PLEKHA8: variants seen among roughly 807,000 people sequenced by gnomAD.
PLEKHA8 encodes the protein pleckstrin homology domain-containing family A member 8.
Under a neutral mutation model 68.2 loss-of-function variants are expected in PLEKHA8, and 36 were observed. That is an observed-to-expected ratio of 0.53 (90% CI 0.40 to 0.70). The LOEUF (loss-of-function observed/expected upper bound fraction) is 0.70, where lower values mean the gene tolerates loss of function less well. Among genes scored for constraint, PLEKHA8 ranks in the 30% least tolerant of loss-of-function variants. The pLI is 0.00. For missense variants in PLEKHA8, 505 were observed against 615.4 expected, an observed-to-expected ratio of 0.82 and a Z score of 1.90; for synonymous variants, 211 against 216.1, an observed-to-expected ratio of 0.98 and a Z score of 0.20.
At chr7:30,051,907 A>T (rs968095104) in intron 6 of PLEKHA8, among the ~76,000 whole-genome samples, 1 of 152,146 alleles carries the variant, frequency 6.6e-6, no homozygotes, top group Admixed American at 6.6e-5. Flanking sequence ...CGGAAGGCAG[A>T]GGTTGCAGTG....
intron 1 of PLEKHA8, among the ~76,000 whole-genome samples, chr7:30,043,105 A>C (rs1218694672): frequency 6.6e-6 from 1 of 152,154 alleles, no homozygotes; most frequent in Non-Finnish European, 1.5e-5. Flanking sequence ...AGGCTCAAGC[A>C]GTCCTCTCAC....
chr7:30,048,610 C>T (rs1792152472), intron 4 of PLEKHA8, among the ~76,000 whole-genome samples: 1 of 152,236 alleles, frequency 6.6e-6, no homozygotes, highest in South Asian at 2.1e-4. Flanking sequence ...GAATGGCTCA[C>T]ATTAACCAGA....
intron 13 of PLEKHA8, among the ~76,000 whole-genome samples, chr7:30,098,130 G>A (rs1583466324): frequency 6.6e-6 from 1 of 152,244 alleles, no homozygotes; most frequent in South Asian, 2.1e-4. Context: ...AGCGGTGGCT[G>A]CAGAACTGCA....
chr7:30,050,361 A>G (rs965923397), intron 5 of PLEKHA8, 73 bp from the exon 6 acceptor site: 2 of 1,494,904 alleles, frequency 1.3e-6, no homozygotes. Context: ...ACCATTTTGT[A>G]TGTAATAAGA....
chr7:30,036,281 AATAG>A (rs199937331), intron 1 of PLEKHA8, among the ~76,000 whole-genome samples: 34 of 152,078 alleles, frequency 2.2e-4, no homozygotes, highest in Admixed American at 9.8e-4. Flanking sequence ...CAAATAAATA[AATAG>A]ATAGATAGAT....
intron 13 of PLEKHA8, among the ~76,000 whole-genome samples, chr7:30,115,646 A>G (rs892018719): frequency 3.3e-5 from 5 of 151,864 alleles, no homozygotes; most frequent in Non-Finnish European, 7.4e-5. Context: ...ACATGCACAC[A>G]TGTACACATA....
chr7:30,072,544 A>G (rs1264365416), intron 12 of PLEKHA8, among the ~76,000 whole-genome samples: 2 of 152,268 alleles, frequency 1.3e-5, no homozygotes, highest in Non-Finnish European at 2.9e-5. Flanking sequence ...CATTTTGGCC[A>G]GTAAAATGCA....
Position 30,054,805 on chromosome 7 carries a change from A to C in PLEKHA8, c.893A>C (p.Glu298Ala). 1.2e-6 allele frequency: 2 copies of C among 1,612,514 alleles called. No individual in the cohort carries two copies. The highest frequency in any genetic ancestry group is 1.7e-6 in the Non-Finnish European group (2 of 1,178,970). Reference protein sequence around the residue: ...QSGSDSSCSPECLWEEGKEVI... With the variant: ...QSGSDSSCSPACLWEEGKEVI... ...GGATCAGACTCAAGTTGCTCTCCGG[A>C]ATGCCTCTGGGAGGAAGGCAAAGAA... The change falls in exon 8 of 14, where the codon GAA (glutamate) becomes GCA (alanine). Residue 298 changes from glutamate to alanine, a missense_variant. By Grantham distance (107) the Glu-to-Ala change is moderately radical (BLOSUM62 -1). Coordinates refer to ENST00000449726, the MANE Select transcript of PLEKHA8 (RefSeq NM_001197026.2).
intron 13 of PLEKHA8, among the ~76,000 whole-genome samples, chr7:30,116,345 C>G (rs999227005): frequency 6.6e-6 from 1 of 151,484 alleles, no homozygotes; most frequent in Admixed American, 6.6e-5. Flanking sequence ...TATATATGTA[C>G]TATATAACTT....
At chr7:30,085,085 C>G (rs1462662358), downstream of PLEKHA8, among the ~76,000 whole-genome samples, 5 of 151,904 alleles carry the variant, frequency 3.3e-5, no homozygotes, top group African/African-American at 1.2e-4. Context: ...GCTGGGATTA[C>G]AGGCATGTGC....
At chr7:30,116,095 T>C (rs184154958) in intron 13 of PLEKHA8, 107 of 150,764 alleles carry the variant, frequency 7.1e-4, no homozygotes, top group East Asian at 2.5e-3. Context: ...CATACATACG[T>C]ATACATACGC....
intron 13 of PLEKHA8, chr7:30,116,050 ACATACGTATG>A (rs1460382468): frequency 1.4e-5 from 2 of 147,834 alleles, no homozygotes; most frequent in Non-Finnish European, 3.0e-5. Context: ...GCATACGCAT[ACATACGTATG>A]CATACGTATA....
chr7:30,062,176 C>A, intron 11 of PLEKHA8, 149 bp downstream of exon 11: 1 of 925,250 alleles, frequency 1.1e-6, no homozygotes, highest in Non-Finnish European at 1.6e-6. Flanking sequence ...AATAATACCA[C>A]CTTATTTTTT....
chr7:30,050,366 A>G, intron 5 of PLEKHA8, 68 bp from the exon 6 acceptor site: 1 of 1,508,582 alleles, frequency 6.6e-7, no homozygotes, highest in Non-Finnish European at 8.8e-7. Context: ...TTTGTATGTA[A>G]TAAGATCATA....
intron 13 of PLEKHA8, among the ~76,000 whole-genome samples, chr7:30,112,663 G>A (rs1271363670): frequency 6.6e-6 from 1 of 151,236 alleles, no homozygotes; most frequent in East Asian, 1.9e-4. Context: ...TGCAGTGAGC[G>A]ATGATTGTGC....
chr7:30,115,673 C>G lies in PLEKHA8; in HGVS notation c.1363-13593C>G, dbSNP rs115848761. On this transcript the variant is annotated intron_variant, in intron 13 of 13. Transcript: ENST00000396257. The stretch of plus-strand genomic sequence containing the variant: ...GTACACATACATGTATACGTGTATA[C>G]ATACGCACATACATGCATACACGTA... Among the ~76,000 whole-genome samples, 1,334 of 151,338 alleles carry G rather than the reference C, an allele frequency of 8.8e-3. 23 individuals are homozygous for G. Among genetic ancestry groups the G allele is most frequent in the African/African-American group, 0.031 (1,286 of 41,212 alleles).
At chr7:30,055,462 C>A in intron 9 of PLEKHA8, 120 bp downstream of exon 9, 1 of 832,876 alleles carries the variant, frequency 1.2e-6, no homozygotes, top group Non-Finnish European at 2.0e-6. Flanking sequence ...GCTATTTGTT[C>A]AAATCACCAG....
intron 4 of PLEKHA8, among the ~76,000 whole-genome samples, chr7:30,048,739 G>T (rs1328903588): frequency 6.6e-6 from 1 of 151,752 alleles, no homozygotes; most frequent in Non-Finnish European, 1.5e-5. Context: ...CATGTGTTTC[G>T]AGTTTTTCTA....
intron 12 of PLEKHA8, 34 bp downstream of exon 12, chr7:30,062,776 A>G (rs753702925): frequency 1.9e-6 from 3 of 1,540,162 alleles, no homozygotes; most frequent in Non-Finnish European, 2.7e-6. Flanking sequence ...GAATGAGTCA[A>G]TAGACTGTGG....
Sources: gnomAD v4.1 joint callset for allele counts (sites outside exome capture counted in the v4.1 genomes callset) on GRCh38, gnomAD v4.1.1 for gene constraint, MANE v1.5 for transcripts, NCBI Gene and HGNC (gene_info 2026-07-23, HGNC 2026-07-21) for gene names.